The following SCN4A variants were observed in gnomAD, a reference collection of about 807,000 sequenced individuals.
The protein encoded by SCN4A is sodium channel protein type 4 subunit alpha.
Under a neutral mutation model 162.0 loss-of-function variants are expected in SCN4A, and 83 were observed. The observed-to-expected ratio is 0.51, with a 90% CI of 0.43 to 0.61. The LOEUF (loss-of-function observed/expected upper bound fraction) is 0.61. SCN4A is among the 20% of genes least tolerant of loss of function. The probability of loss-of-function intolerance (pLI) is 0.00; values close to 1 mark genes in which losing one functional copy is unlikely to be tolerated. For missense variants in SCN4A, 2,196 were observed against 2,462.5 expected (o/e 0.89, Z 2.29); for synonymous variants, 944 against 985.1 (o/e 0.96, Z 0.78).
intron 23 of SCN4A, among the ~76,000 whole-genome samples, chr17:63,942,474 G>A (rs1908573793): frequency 6.6e-6 from 1 of 152,232 alleles, no homozygotes; most frequent in Non-Finnish European, 1.5e-5. Flanking sequence ...GCACAGCACA[G>A]TTGATAATAA....
rs763165218 is a variant in SCN4A, at chr17:63,966,561, C to T, written c.1037-17G>A. The T allele has an allele frequency of 6.8e-6, 11 of 1,608,212 alleles. No individual in the cohort carries two copies. The highest frequency in any genetic ancestry group is 6.6e-5 in the South Asian group (6 of 90,958). ...AGAAGTTCCCTTTGGGAGTCAGAGG[C>T]CACAAAGGAGGCAAGTCACCCACAT... On this transcript the variant is annotated splice_polypyrimidine_tract_variant and intron_variant, in intron 6 of 23. Transcript: ENST00000435607.
At position 63,945,121 on chromosome 17, in the gene SCN4A, G is replaced by A; in HGVS notation, c.3721-61C>T. ...TGCTCCCTGCTTTCATCATCCATGA[G>A]TTTCCCTCCCCCACCCAACCTGGTC... On this transcript the variant is annotated intron_variant, in intron 19 of 23. Transcript: ENST00000435607. This position sits in a 1 kb window ranked among gnomAD's most constrained non-coding sequence, Gnocchi z 4.4. 9 of 1,555,782 alleles carry A rather than the reference G, an allele frequency of 5.8e-6. 1 individual carries two copies. Among genetic ancestry groups the A allele is most frequent in the South Asian group, 5.7e-5 (5 of 88,054 alleles).
At chr17:63,969,327 T>A (rs1909549158) in intron 5 of SCN4A, among the ~76,000 whole-genome samples, 1 of 152,224 alleles carries the variant, frequency 6.6e-6, no homozygotes, top group Admixed American at 6.5e-5. Context: ...CAGGTTCCCA[T>A]CACCTGTGGA....
Position 63,944,545 on chromosome 17 carries a change from G to A in SCN4A, c.3912+128C>T. 1 of 1,042,426 alleles carries A rather than the reference G, an allele frequency of 9.6e-7. No homozygotes were observed. Among genetic ancestry groups the A allele is most frequent in the Non-Finnish European group, 1.4e-6 (1 of 725,512 alleles). The allele number at this position is 1,042,426 out of a possible 1,614,324, so 64.6% of individuals were successfully genotyped here. On this transcript the variant is annotated intron_variant, in intron 21 of 23. Coordinates refer to ENST00000435607, the MANE Select transcript of SCN4A (RefSeq NM_000334.4). This position sits in a 1 kb window ranked among gnomAD's most constrained non-coding sequence, Gnocchi z 4.3. ...CCTGGTGGGACTGGGACCCAAGCTA[G>A]CTGCCTGAACCAACAACCTGGTAGG...
At chr17:63,952,783 T>C (rs1908955711) in intron 13 of SCN4A, among the ~76,000 whole-genome samples, 1 of 152,138 alleles carries the variant, frequency 6.6e-6, no homozygotes, top group Non-Finnish European at 1.5e-5. Context: ...CACTTTATTT[T>C]CCAGTGGATA....
At chr17:63,953,541 G>A (rs1344293616) in intron 13 of SCN4A, among the ~76,000 whole-genome samples, 1 of 150,852 alleles carries the variant, frequency 6.6e-6, no homozygotes, top group Non-Finnish European at 1.5e-5. Context: ...AAATTAGCTG[G>A]GCGTGGTGGT....
At chr17:63,960,114 C>T (rs1909198858) in intron 11 of SCN4A, among the ~76,000 whole-genome samples, 1 of 152,260 alleles carries the variant, frequency 6.6e-6, no homozygotes, top group Non-Finnish European at 1.5e-5. Flanking sequence ...CTGAAAGCTC[C>T]CTGGGCACGG....
intron 4 of SCN4A, 123 bp from the exon 5 acceptor site, chr17:63,971,376 G>A: frequency 1.0e-5 from 7 of 680,084 alleles, no homozygotes; most frequent in Non-Finnish European, 1.6e-5. Context: ...CACAGGGTCT[G>A]GGGGGCAGGG....
At chr17:63,954,708 GGACAGTGCCCAAGGAGCT>G (rs2144790428) in intron 13 of SCN4A, among the ~76,000 whole-genome samples, 1 of 152,278 alleles carries the variant, frequency 6.6e-6, no homozygotes, top group South Asian at 2.1e-4. Context: ...TGGTGGGAGG[GGACAGTGCCCAAGGAGCT>G]GACAGTGCCA....
intron 11 of SCN4A, among the ~76,000 whole-genome samples, chr17:63,959,768 T>G (rs900797890): frequency 6.6e-6 from 1 of 152,204 alleles, no homozygotes; most frequent in Non-Finnish European, 1.5e-5. Context: ...GTGGTTCACT[T>G]TGTGACTTCA....
intron 4 of SCN4A, 112 bp downstream of exon 4, chr17:63,971,610 A>T: frequency 1.0e-6 from 1 of 984,554 alleles, no homozygotes; most frequent in Non-Finnish European, 1.5e-6. Context: ...CCCCATCTGC[A>T]CAACTGACCG....
intron 13 of SCN4A, among the ~76,000 whole-genome samples, chr17:63,955,962 G>A (rs4968604): frequency 0.26 from 39,552 of 152,204 alleles, 6,105 homozygotes; most frequent in East Asian, 0.39. Flanking sequence ...CTGTTGCCCA[G>A]GGCAGCACCA....
Position 63,966,173 on chromosome 17 carries a change from T to A in SCN4A, c.1171A>T (p.Thr391Ser). The change falls in exon 8 of 24, where the codon ACC becomes TCC. Residue 391 changes from threonine to serine, a missense_variant. By Grantham distance (58) the Thr-to-Ser change is moderately conservative. Transcript: ENST00000435607. ...NPNYGYTSYD[T>S]FSWAFLALFR... ...AGAGCCAAGAAGGCCCAGCTGAAGGTGTCATAGCTGGTGTAGCCATAGTTG... is the reference window on the plus strand; with the variant it reads ...AGAGCCAAGAAGGCCCAGCTGAAGGAGTCATAGCTGGTGTAGCCATAGTTG... The A allele has an allele frequency of 6.3e-7, 1 of 1,596,418 alleles. No homozygotes were observed. Among genetic ancestry groups the A allele is most frequent in the South Asian group, 1.1e-5 (1 of 87,892 alleles).
At chr17:63,971,656 T>A in intron 4 of SCN4A, 66 bp downstream of exon 4, 1 of 1,476,288 alleles carries the variant, frequency 6.8e-7, no homozygotes, top group Non-Finnish European at 9.2e-7. Context: ...GCAGCTTCCC[T>A]CTTTAAGGCC....
Position 63,964,578 on chromosome 17 carries a change from T to C in SCN4A, c.1342A>G (p.Met448Val). 1 of 1,613,996 alleles carries C rather than the reference T, an allele frequency of 6.2e-7. No homozygotes were observed. The highest frequency in any genetic ancestry group is 8.5e-7 in the Non-Finnish European group (1 of 1,179,876). Reference protein sequence around the residue: ...LINLILAVVAMAYAEQNEATL... With the variant: ...LINLILAVVAVAYAEQNEATL... ...GCCTCATTCTGCTCGGCATATGCCA[T>C]GGCCACCACGGCCAGGATCAGATTG... The change falls in exon 9 of 24, where the codon ATG becomes GTG. Residue 448 changes from methionine (M) to valine (V), a missense_variant. Coordinates refer to ENST00000435607, the MANE Select transcript of SCN4A (RefSeq NM_000334.4).
chr17:63,947,929 G>C lies in SCN4A; in HGVS notation c.3279C>G (p.Phe1093Leu). 6.2e-7 allele frequency: 1 copy of C among 1,613,908 alleles called. No homozygotes were observed. The highest frequency in any genetic ancestry group is 8.5e-7 in the Non-Finnish European group (1 of 1,179,854). Residue 1093 changes from phenylalanine to leucine, a missense_variant, in exon 17 of 24, where the codon TTC (phenylalanine) becomes TTG (leucine). Transcript: ENST00000435607. ...KWVAYGFKVY[F>L]TNAWCWLDFL... ...AGTCGAGCCAGCACCAGGCGTTGGT[G>C]AAGTACACCTTAAAGCCGTAGGCCA...
intron 17 of SCN4A, 149 bp downstream of exon 17, chr17:63,947,740 GC>G: frequency 1.4e-6 from 1 of 718,476 alleles, no homozygotes; most frequent in South Asian, 2.2e-5. Context: ...TCCCTGGGCA[GC>G]TCTGTCTGAG....
chr17:63,969,231 C>T (rs927940824), intron 5 of SCN4A, among the ~76,000 whole-genome samples: 3 of 152,188 alleles, frequency 2.0e-5, no homozygotes, highest in Admixed American at 6.5e-5. Flanking sequence ...ACCCGAGGAA[C>T]AGCAGAAGCT....
chr17:63,940,870 A>G lies in SCN4A; in HGVS notation c.5412T>C (p.Thr1804=). 1 of 1,613,710 alleles carries G rather than the reference A, an allele frequency of 6.2e-7. No individual in the cohort carries two copies. The highest frequency in any genetic ancestry group is 8.5e-7 in the Non-Finnish European group (1 of 1,179,826). The change falls in exon 24 of 24, where the codon ACT becomes ACC. Residue 1804 remains threonine (T), a synonymous_variant. Coordinates refer to ENST00000435607, the MANE Select transcript of SCN4A (RefSeq NM_000334.4). ...EKGEAGDAGP[T]MGLMPISPSD... Reference sequence around the variant, plus strand: ...AGGGGCTGATGGGCATCAGCCCCATAGTGGGTCCGGCGTCCCCTGCCTCGC... The same window carrying G: ...AGGGGCTGATGGGCATCAGCCCCATGGTGGGTCCGGCGTCCCCTGCCTCGC...
Sources: allele counts gnomAD v4.1 joint callset (sites outside exome capture counted in the v4.1 genomes callset), GRCh38; gene constraint gnomAD v4.1.1; non-coding constraint Gnocchi (gnomAD v3.1); transcripts MANE v1.5; gene names NCBI Gene and HGNC (gene_info 2026-07-23, HGNC 2026-07-21).